The following ST18 variants were observed in gnomAD, a reference collection of about 807,000 sequenced individuals.
The protein encoded by ST18 is ST18 C2H2C-type zinc finger transcription factor, also known as suppression of tumorigenicity 18 protein.
ST18 carries 50 observed loss-of-function variants against 110.0 expected under a neutral mutation model. The observed-to-expected ratio is 0.45, with a 90% CI of 0.36 to 0.58. The LOEUF is 0.58. Ranked by LOEUF, ST18 falls within the 20% of genes least tolerant of loss-of-function variation. The pLI is 0.00. For missense variants in ST18, 1,306 were observed against 1,280.1 expected (o/e 1.02, Z -0.31); for synonymous variants, 461 against 452.4 (o/e 1.02, Z -0.24).
At chr8:52,252,558 A>T (rs1179807747) in intron 2 of ST18, among the ~76,000 whole-genome samples, 1 of 151,960 alleles carries the variant, frequency 6.6e-6, no homozygotes, top group African/African-American at 2.4e-5. Context: ...TAAAAGTTTC[A>T]ATGTACTTTG....
At chr8:52,255,050 T>G (rs1418500961) in intron 2 of ST18, among the ~76,000 whole-genome samples, 1 of 152,112 alleles carries the variant, frequency 6.6e-6, no homozygotes, top group Non-Finnish European at 1.5e-5. Flanking sequence ...AGCCCCAAGC[T>G]ATAAGTAAAT....
intron 9 of ST18, among the ~76,000 whole-genome samples, chr8:52,179,616 AATTATAT>A (rs1322024883): frequency 6.6e-6 from 1 of 152,146 alleles, no homozygotes; most frequent in Non-Finnish European, 1.5e-5. Context: ...TGTTATTACC[AATTATAT>A]TTTGGAGTAG....
chr8:52,210,561 G>T (rs1246759703), intron 8 of ST18, among the ~76,000 whole-genome samples: 1 of 152,098 alleles, frequency 6.6e-6, no homozygotes, highest in East Asian at 1.9e-4. Context: ...GAGAGGCTGA[G>T]GCAGGAGGAT....
chr8:52,322,335 T>A (rs1226240205), intron 2 of ST18, among the ~76,000 whole-genome samples: 1 of 152,208 alleles, frequency 6.6e-6, no homozygotes, highest in African/African-American at 2.4e-5. Context: ...CTACTTAAGC[T>A]AGTTCAGATT....
intron 2 of ST18, among the ~76,000 whole-genome samples, chr8:52,278,851 C>A (rs559886575): frequency 1.3e-5 from 2 of 152,234 alleles, no homozygotes; most frequent in East Asian, 3.9e-4. Context: ...GTTGTGGCCC[C>A]TAAAAAGGCC....
intron 2 of ST18, among the ~76,000 whole-genome samples, chr8:52,303,696 A>T (rs901568422): frequency 2.0e-5 from 3 of 152,244 alleles, no homozygotes; most frequent in Non-Finnish European, 4.4e-5. Flanking sequence ...AGAAACTCAA[A>T]TTCATATGGA....
chr8:52,127,550 A>G (rs2047548931), intron 22 of ST18, among the ~76,000 whole-genome samples: 1 of 152,218 alleles, frequency 6.6e-6, no homozygotes, highest in South Asian at 2.1e-4. Flanking sequence ...TCCATTTGTA[A>G]CATAATGGAT....
At chr8:52,247,482 G>GT (rs1248090394) in intron 2 of ST18, among the ~76,000 whole-genome samples, 1 of 152,166 alleles carries the variant, frequency 6.6e-6, no homozygotes, top group Non-Finnish European at 1.5e-5. Flanking sequence ...ACGAACTTCA[G>GT]TCAAGTTTGC....
At chr8:52,298,325 T>A (rs545271186) in intron 2 of ST18, among the ~76,000 whole-genome samples, 1 of 152,310 alleles carries the variant, frequency 6.6e-6, no homozygotes, top group South Asian at 2.1e-4. Context: ...TATGACACAT[T>A]CAAAGCATGG....
At position 52,132,102 on chromosome 8, in the gene ST18, G is replaced by A. The variant is rs1160006766; in HGVS notation, c.2522C>T (p.Pro841Leu). 3.1e-6 allele frequency: 5 copies of A among 1,614,054 alleles called. No individual in the cohort carries two copies. Among genetic ancestry groups the A allele is most frequent in the Non-Finnish European group, 4.2e-6 (5 of 1,180,050 alleles). ...YTSHRTASGC[P>L]LAAKRQKENP... ...CTCCTTCTGTCTCTTGGCAGCCAGA[G>A]GACAGCCAGAAGCTGTGCGGTGTGA... Residue 841 changes from proline (P) to leucine (L), a missense_variant, in exon 22 of 26, where the codon CCT (proline) becomes CTT (leucine). Pro to Leu is a moderately conservative substitution (Grantham distance 98). Coordinates refer to ENST00000689386, the MANE Select transcript of ST18 (RefSeq NM_001352837.2).
In ST18 at chr8:52,297,766, T is replaced by C. The variant is rs933242996; in HGVS notation, c.-464-67689A>G. Among the ~76,000 whole-genome samples, 11 of 152,286 alleles carry C rather than the reference T, an allele frequency of 7.2e-5. 1 individual carries two copies. Among genetic ancestry groups the C allele is most frequent in the East Asian group, 5.8e-4 (3 of 5,182 alleles). On this transcript the variant is annotated intron_variant, in intron 2 of 25. Transcript: ENST00000689386. ...AATTAATCAGTCAAATGGCAAAGAATGGGAAACGACAAGTCACATACGAAG... is the reference window on the plus strand; with the variant it reads ...AATTAATCAGTCAAATGGCAAAGAACGGGAAACGACAAGTCACATACGAAG...
At chr8:52,200,379 T>C (rs143565925) in intron 8 of ST18, among the ~76,000 whole-genome samples, 1 of 152,204 alleles carries the variant, frequency 6.6e-6, no homozygotes. Flanking sequence ...CTGGTGCAAG[T>C]GAGCATGTGA....
At chr8:52,280,295 A>G (rs1252752735) in intron 2 of ST18, among the ~76,000 whole-genome samples, 2 of 152,180 alleles carry the variant, frequency 1.3e-5, no homozygotes, top group Admixed American at 6.5e-5. Context: ...AAAAATCACA[A>G]TAAATGCAAG....
chr8:52,374,340 T>C (rs1831361515), intron 2 of ST18, among the ~76,000 whole-genome samples: 1 of 151,870 alleles, frequency 6.6e-6, no homozygotes, highest in African/African-American at 2.4e-5. Flanking sequence ...GTGATGCATC[T>C]AGAAGCCGGG....
intron 2 of ST18, among the ~76,000 whole-genome samples, chr8:52,330,304 G>C (rs1026042190): frequency 6.6e-6 from 1 of 152,118 alleles, no homozygotes; most frequent in Admixed American, 6.5e-5. Flanking sequence ...CATCCCTTTC[G>C]AGGCATTTTG....
chr8:52,357,934 C>T (rs1038785048), intron 2 of ST18, among the ~76,000 whole-genome samples: 2 of 151,020 alleles, frequency 1.3e-5, no homozygotes, highest in Non-Finnish European at 3.0e-5. Flanking sequence ...TATTCTCTAA[C>T]ATAGACCATA....
intron 17 of ST18, 27 bp downstream of exon 17, chr8:52,142,903 G>T: frequency 1.4e-6 from 2 of 1,461,642 alleles, no homozygotes; most frequent in Non-Finnish European, 1.9e-6. Flanking sequence ...CAGAATCTTA[G>T]AGGGCATGGC....
chr8:52,159,171 G>A, intron 14 of ST18, 62 bp from the exon 15 acceptor site: 2 of 1,489,062 alleles, frequency 1.3e-6, no homozygotes, highest in South Asian at 1.2e-5. Context: ...AAACAGATTT[G>A]TTTTTTTTAA....
chr8:52,151,095 G>T (rs1479052024), intron 15 of ST18: 3 of 151,646 alleles, frequency 2.0e-5, no homozygotes, highest in Non-Finnish European at 4.4e-5. Context: ...TTTTCTCTTG[G>T]CTGGCCACTC....
Sources: gnomAD v4.1 joint callset for allele counts (sites outside exome capture counted in the v4.1 genomes callset) on GRCh38, gnomAD v4.1.1 for gene constraint, MANE v1.5 for transcripts, NCBI Gene and HGNC (gene_info 2026-07-23, HGNC 2026-07-21) for gene names.